TENM2: variants seen among roughly 807,000 people sequenced by gnomAD.
The protein encoded by TENM2 is teneurin transmembrane protein 2.
In TENM2, 52 loss-of-function variants were observed where a neutral mutation model predicts 245.2. The ratio of observed to expected loss-of-function variants is 0.21; its 90% confidence interval spans 0.17 to 0.27. The LOEUF is 0.27. Ranked by LOEUF, TENM2 falls within the 10% of genes least tolerant of loss-of-function variation. TENM2 has a pLI of 1.00. For synonymous variants in TENM2, 1,363 were observed against 1,438.9 expected (o/e 0.95, Z 1.19); for missense variants, 3,046 against 3,666.8 (o/e 0.83, Z 4.37).
intron 7 of TENM2, among the ~76,000 whole-genome samples, chr5:168,083,078 C>T (rs1455776773): frequency 1.3e-5 from 2 of 152,206 alleles, no homozygotes; most frequent in Admixed American, 6.5e-5. Flanking sequence ...GGAAGGCCTC[C>T]TTGAGCTGCA....
the TENM2 span, among the ~76,000 whole-genome samples, chr5:167,069,615 T>C: frequency 1.3e-5 from 2 of 152,180 alleles, no homozygotes; most frequent in African/African-American, 4.8e-5. Flanking sequence ...TGTATAGCAT[T>C]GTCCTACTTA....
At chr5:167,853,040 A>G (rs761862723) in intron 2 of TENM2, among the ~76,000 whole-genome samples, 17 of 150,344 alleles carry the variant, frequency 1.1e-4, no homozygotes, top group Non-Finnish European at 2.4e-4. Context: ...TAATCCCAGC[A>G]CTTTGGGAGG....
the TENM2 span, among the ~76,000 whole-genome samples, chr5:167,017,291 C>A: frequency 1.3e-5 from 2 of 152,160 alleles, no homozygotes; most frequent in African/African-American, 4.8e-5. Flanking sequence ...TGATGAATAT[C>A]AGGTCTTACT....
chr5:167,655,208 C>T (rs1193008630), intron 2 of TENM2, among the ~76,000 whole-genome samples: 1 of 152,028 alleles, frequency 6.6e-6, no homozygotes, highest in Non-Finnish European at 1.5e-5. Flanking sequence ...AAGAAAAACA[C>T]TAGAACAGAC....
At chr5:168,164,966 T>G (rs1469617242) in intron 13 of TENM2, among the ~76,000 whole-genome samples, 1 of 152,194 alleles carries the variant, frequency 6.6e-6, no homozygotes, top group African/African-American at 2.4e-5. Flanking sequence ...GTGGAATCCA[T>G]CGGGGTGGTG....
intron 2 of TENM2, among the ~76,000 whole-genome samples, chr5:167,426,153 TTC>T (rs1309831457): frequency 1.3e-5 from 2 of 152,286 alleles, no homozygotes; most frequent in East Asian, 3.9e-4. Flanking sequence ...GCTGCAGTCA[TTC>T]TCTCTTTGAA....
At chr5:168,112,615 G>GGGT (rs201538328) in intron 9 of TENM2, among the ~76,000 whole-genome samples, 1 of 112,934 alleles carries the variant, frequency 8.9e-6, no homozygotes, top group Non-Finnish European at 1.8e-5. Context: ...GCGGGGGGGG[G>GGGT]GTCAAACTTT....
chr5:167,190,595 A>G, the TENM2 span, among the ~76,000 whole-genome samples: 1 of 152,082 alleles, frequency 6.6e-6, no homozygotes, highest in African/African-American at 2.4e-5. Context: ...CTCCAAGGGT[A>G]CTTTTTACTT....
At chr5:167,873,312 C>T (rs999479327) in intron 2 of TENM2, among the ~76,000 whole-genome samples, 4 of 152,318 alleles carry the variant, frequency 2.6e-5, no homozygotes, top group South Asian at 2.1e-4. Flanking sequence ...GAGATGGGAA[C>T]GCAGAAACGT....
At chr5:167,488,653 C>T (rs765091946) in intron 2 of TENM2, among the ~76,000 whole-genome samples, 6 of 151,938 alleles carry the variant, frequency 3.9e-5, no homozygotes, top group African/African-American at 9.7e-5. Context: ...TCCTGCACCC[C>T]GCCCCCTTCT....
At chr5:168,061,976 A>T (rs1790078015) in intron 6 of TENM2, 84 bp from the exon 9 acceptor site, 2 of 1,249,916 alleles carry the variant, frequency 1.6e-6, no homozygotes, top group African/African-American at 1.5e-5. Flanking sequence ...AACAAAAAAA[A>T]ACCTGGCATG....
At chr5:167,711,548 T>C (rs1274976244) in intron 2 of TENM2, among the ~76,000 whole-genome samples, 1 of 152,192 alleles carries the variant, frequency 6.6e-6, no homozygotes, top group Non-Finnish European at 1.5e-5. Context: ...TCCCCTGGCC[T>C]TTCACAATGC....
intron 2 of TENM2, among the ~76,000 whole-genome samples, chr5:167,560,607 A>G (rs898003171): frequency 1.3e-5 from 2 of 152,200 alleles, no homozygotes; most frequent in Non-Finnish European, 2.9e-5. Flanking sequence ...CTCAGTTGCC[A>G]TAACTGTAAA....
At chr5:167,631,031 T>G (rs968071044) in intron 2 of TENM2, among the ~76,000 whole-genome samples, 2 of 152,204 alleles carry the variant, frequency 1.3e-5, no homozygotes, top group African/African-American at 2.4e-5. Context: ...ATTTGGCAGT[T>G]ATACATTGAG....
chr5:167,229,481 T>A, the TENM2 span, among the ~76,000 whole-genome samples: 2 of 152,204 alleles, frequency 1.3e-5, no homozygotes, highest in Non-Finnish European at 2.9e-5. Flanking sequence ...ATAACAAACC[T>A]CTGAAACCCA....
At chr5:167,567,661 A>G (rs777969911) in intron 2 of TENM2, among the ~76,000 whole-genome samples, 2 of 152,152 alleles carry the variant, frequency 1.3e-5, no homozygotes, top group Non-Finnish European at 2.9e-5. Flanking sequence ...TTTGACACCA[A>G]CTTGAACACT....
chr5:167,588,404 G>A (rs965621694), intron 2 of TENM2, among the ~76,000 whole-genome samples: 44 of 152,196 alleles, frequency 2.9e-4, no homozygotes, highest in African/African-American at 1.1e-3. Flanking sequence ...CAGACTGTGA[G>A]AGCATTTCTT....
the TENM2 span, among the ~76,000 whole-genome samples, chr5:167,247,703 T>A: frequency 3.5e-3 from 526 of 152,296 alleles, 3 homozygotes; most frequent in Non-Finnish European, 6.2e-3. Context: ...CATTGTTCCT[T>A]TCTGCTTTTT....
the TENM2 span, among the ~76,000 whole-genome samples, chr5:166,985,398 C>G: frequency 6.6e-6 from 1 of 152,080 alleles, no homozygotes; most frequent in Non-Finnish European, 1.5e-5. Flanking sequence ...ATGATTCTGC[C>G]ACCAGTTTTA....
Sources: allele counts gnomAD v4.1 joint callset (sites outside exome capture counted in the v4.1 genomes callset), GRCh38; gene constraint gnomAD v4.1.1; transcripts MANE v1.5; gene names NCBI Gene and HGNC (gene_info 2026-07-23, HGNC 2026-07-21).